DCAF6: variants seen among roughly 807,000 people sequenced by gnomAD.
DCAF6 encodes the protein DDB1 and CUL4 associated factor 6.
Under a neutral mutation model 125.1 loss-of-function variants are expected in DCAF6, and 54 were observed. The observed-to-expected ratio is 0.43, with a 90% CI of 0.35 to 0.54. DCAF6 has a LOEUF of 0.54. DCAF6 is among the 20% of genes least tolerant of loss of function. The pLI, the probability that DCAF6 is intolerant of heterozygous loss-of-function variation, is 0.01. For missense variants in DCAF6, 934 were observed against 1,161.7 expected, an observed-to-expected ratio of 0.80 and a Z score of 2.85; for synonymous variants, 371 against 390.4, an observed-to-expected ratio of 0.95 and a Z score of 0.58.
At chr1:168,009,374 CCTTCCTTCCTTCCTTT>C (rs1295209038) in intron 10 of DCAF6, among the ~76,000 whole-genome samples, 16 of 122,544 alleles carry the variant, frequency 1.3e-4, no homozygotes, top group African/African-American at 4.6e-4. Flanking sequence ...TTCCTTCCTT[CCTTCCTTCCTTCCTTT>C]CTTTCTTTCT....
intron 12 of DCAF6, among the ~76,000 whole-genome samples, chr1:168,030,428 A>T (rs1257078735): frequency 1.3e-5 from 2 of 152,198 alleles, no homozygotes; most frequent in East Asian, 3.9e-4. Flanking sequence ...TCGCATTTTT[A>T]TTTTAAGAAC....
chr1:167,875,570 T>C, the DCAF6 span, among the ~76,000 whole-genome samples: 1 of 152,332 alleles, frequency 6.6e-6, no homozygotes, highest in South Asian at 2.1e-4. Flanking sequence ...TAGCGCGCCT[T>C]TTATTGGAGC....
At chr1:167,894,665 C>A in the DCAF6 span, among the ~76,000 whole-genome samples, 1 of 151,816 alleles carries the variant, frequency 6.6e-6, no homozygotes, top group African/African-American at 2.4e-5. Flanking sequence ...TGATTTGTAG[C>A]CTTTATAATA....
At chr1:168,074,248 C>T (rs1442637529) in intron 21 of DCAF6, among the ~76,000 whole-genome samples, 1 of 151,878 alleles carries the variant, frequency 6.6e-6, no homozygotes, top group Non-Finnish European at 1.5e-5. Context: ...AGCATTTAAT[C>T]CTGTGTAGAT....
chr1:167,992,252 T>TAC (rs761598229), intron 6 of DCAF6, among the ~76,000 whole-genome samples: 7,126 of 143,134 alleles, frequency 0.05, 191 homozygotes, highest in African/African-American at 0.069. Flanking sequence ...AGGCCAGGAT[T>TAC]ACACACACAC....
At chr1:168,035,043 A>G (rs1267275211) in intron 12 of DCAF6, among the ~76,000 whole-genome samples, 2 of 152,232 alleles carry the variant, frequency 1.3e-5, no homozygotes, top group Non-Finnish European at 2.9e-5. Context: ...TCCTGAGAAA[A>G]TGTAACCTGA....
At chr1:167,959,338 G>A (rs764434084) in intron 2 of DCAF6, among the ~76,000 whole-genome samples, 2 of 152,188 alleles carry the variant, frequency 1.3e-5, no homozygotes, top group Non-Finnish European at 2.9e-5. Flanking sequence ...TGCCATAAAC[G>A]TTTGTGGGCA....
At chr1:167,961,073 A>G (rs146739595) in intron 2 of DCAF6, among the ~76,000 whole-genome samples, 1 of 152,296 alleles carries the variant, frequency 6.6e-6, no homozygotes, top group African/African-American at 2.4e-5. Context: ...TTCAATTTAT[A>G]CCTAAGTGTT....
intron 2 of DCAF6, among the ~76,000 whole-genome samples, chr1:167,953,710 C>T (rs767285590): frequency 5.3e-5 from 8 of 151,742 alleles, no homozygotes; most frequent in Non-Finnish European, 7.4e-5. Flanking sequence ...AGCAGTTCTC[C>T]GCTGCAGCCT....
chr1:167,883,301 G>A, the DCAF6 span: 4 of 933,982 alleles, frequency 4.3e-6, no homozygotes, highest in Admixed American at 5.6e-5. Context: ...GCCTCCCAAA[G>A]AGCTGGGATT....
At chr1:167,867,731 C>T in the DCAF6 span, among the ~76,000 whole-genome samples, 2 of 151,624 alleles carry the variant, frequency 1.3e-5, no homozygotes, top group Non-Finnish European at 2.9e-5. Context: ...ATGCTTGTGC[C>T]ACTATCAATA....
intron 5 of DCAF6, 148 bp from the exon 6 acceptor site, chr1:167,991,056 C>A: frequency 1.8e-6 from 1 of 565,532 alleles, no homozygotes; most frequent in Non-Finnish European, 2.8e-6. Context: ...TAAAAGAAAG[C>A]CGTATTGTTT....
chr1:167,936,652 G>C (rs2102577406), upstream of DCAF6: 1 of 412,020 alleles, frequency 2.4e-6, no homozygotes, highest in Non-Finnish European at 4.4e-6. Context: ...TGTTGGAGGG[G>C]GGCTGAGGGA....
At chr1:167,872,190 T>C in the DCAF6 span, among the ~76,000 whole-genome samples, 1 of 151,894 alleles carries the variant, frequency 6.6e-6, no homozygotes, top group African/African-American at 2.4e-5. Flanking sequence ...AATACAAAAT[T>C]AGCCGGGCGT....
At chr1:168,040,197 C>T (rs1688349524) in intron 13 of DCAF6, among the ~76,000 whole-genome samples, 7 of 151,666 alleles carry the variant, frequency 4.6e-5, no homozygotes, top group Admixed American at 4.6e-4. Context: ...GCATTTGGGG[C>T]AGAGAGAAAA....
the DCAF6 span, among the ~76,000 whole-genome samples, chr1:167,891,240 G>A: frequency 4.6e-5 from 7 of 151,960 alleles, no homozygotes; most frequent in African/African-American, 7.2e-5. Flanking sequence ...GATTACAGGC[G>A]TGAGCCATCA....
chr1:168,010,895 TA>T (rs1231245688), intron 10 of DCAF6, among the ~76,000 whole-genome samples: 41 of 152,160 alleles, frequency 2.7e-4, no homozygotes, highest in African/African-American at 7.2e-4. Flanking sequence ...GAAAGAGTAT[TA>T]AATGAGGCAT....
At chr1:168,063,589 ATTTTTG>A (rs758742672) in intron 17 of DCAF6, 26 bp from the exon 18 acceptor site, 322 of 1,415,946 alleles carry the variant, frequency 2.3e-4, no homozygotes, top group Non-Finnish European at 2.9e-4. Context: ...ATTTTTATTT[ATTTTTG>A]TTTTTTTAAT....
chr1:167,941,946 C>T (rs747288938), intron 1 of DCAF6, among the ~76,000 whole-genome samples: 6 of 152,296 alleles, frequency 3.9e-5, no homozygotes, highest in Non-Finnish European at 1.5e-5. Context: ...GCATTCCCAC[C>T]AGCAGTATAT....
Sources: allele counts gnomAD v4.1 joint callset (sites outside exome capture counted in the v4.1 genomes callset), GRCh38; gene constraint gnomAD v4.1.1; transcripts MANE v1.5; gene names NCBI Gene and HGNC (gene_info 2026-07-23, HGNC 2026-07-21).